The following SERPINE2 variants were observed in gnomAD, a reference collection of about 807,000 sequenced individuals.
The protein encoded by SERPINE2 is glia-derived nexin.
In SERPINE2, 14 loss-of-function variants were observed where a neutral mutation model predicts 36.3. That is an observed-to-expected ratio of 0.39 (90% CI 0.25 to 0.60). The LOEUF (loss-of-function observed/expected upper bound fraction) is 0.60. SERPINE2 is among the 20% of genes least tolerant of loss of function. The pLI, the probability that SERPINE2 is intolerant of heterozygous loss-of-function variation, is 0.57. For missense variants in SERPINE2, 418 were observed against 499.6 expected (o/e 0.84, Z 1.56); for synonymous variants, 192 against 191.8 (o/e 1.00, Z -0.01).
At chr2:223,997,703 C>T (rs1258863245) in intron 3 of SERPINE2, among the ~76,000 whole-genome samples, 2 of 152,112 alleles carry the variant, frequency 1.3e-5, no homozygotes, top group Admixed American at 1.3e-4. Context: ...ATGGCAGAAG[C>T]AAGAGGCATG....
chr2:223,983,751 TG>T (rs1690318592), intron 5 of SERPINE2, among the ~76,000 whole-genome samples: 29 of 130,992 alleles, frequency 2.2e-4, no homozygotes, highest in Non-Finnish European at 3.8e-4. Context: ...TGTGTGTGTG[TG>T]TGTGTGTGTG....
chr2:224,019,505 C>T (rs552673977), intron 1 of SERPINE2, among the ~76,000 whole-genome samples: 38 of 152,238 alleles, frequency 2.5e-4, no homozygotes, highest in African/African-American at 8.9e-4. Context: ...TGTCATCTTC[C>T]CTTGTCTTTG....
At chr2:223,994,976 A>G (rs1287161855) in intron 3 of SERPINE2, among the ~76,000 whole-genome samples, 1 of 152,200 alleles carries the variant, frequency 6.6e-6, no homozygotes, top group African/African-American at 2.4e-5. Context: ...CAAACTCAGA[A>G]TGTGTGCTTT....
chr2:223,984,876 G>C lies in SERPINE2; in HGVS notation c.760C>G (p.Leu254Val). ...GAGCTCTCAGTCGGCAGTGCAATCA[G>C]CATGCTGATGCTTTCCCCGTGGTAG... Reference protein sequence around the residue: ...LPYHGESISMLIALPTESSTP... With the variant: ...LPYHGESISMVIALPTESSTP... Residue 254 changes from leucine (L) to valine (V), a missense_variant, in exon 5 of 9, where the codon CTG (leucine) becomes GTG (valine). By Grantham distance (32) the Leu-to-Val change is conservative. Coordinates refer to ENST00000409304, the MANE Select transcript of SERPINE2 (RefSeq NM_001136528.2). 6.2e-7 allele frequency: 1 copy of C among 1,614,204 alleles called. No homozygotes were observed. The highest frequency in any genetic ancestry group is 8.5e-7 in the Non-Finnish European group (1 of 1,180,024).
At chr2:223,988,810 T>C (rs1249734361) in intron 4 of SERPINE2, among the ~76,000 whole-genome samples, 2 of 152,216 alleles carry the variant, frequency 1.3e-5, no homozygotes, top group South Asian at 2.1e-4. Context: ...TTCCATAGGA[T>C]AGCATGATAC....
At chr2:224,022,111 A>T (rs924322677) in intron 1 of SERPINE2, among the ~76,000 whole-genome samples, 2 of 145,232 alleles carry the variant, frequency 1.4e-5, no homozygotes, top group African/African-American at 5.0e-5. Context: ...GTGAGCTGAG[A>T]TCACACCACT....
chr2:224,009,927 C>A (rs1691566632), intron 1 of SERPINE2, among the ~76,000 whole-genome samples: 2 of 152,144 alleles, frequency 1.3e-5, no homozygotes, highest in African/African-American at 4.8e-5. Flanking sequence ...TGTTAATGTA[C>A]AAGTAATCGG....
At chr2:223,980,459 G>C (rs1478059621) in intron 6 of SERPINE2, 62 bp from the exon 7 acceptor site, 2 of 1,432,152 alleles carry the variant, frequency 1.4e-6, no homozygotes, top group Non-Finnish European at 2.0e-6. Flanking sequence ...TGGTTGGTTG[G>C]GGAAGTAACC....
Position 224,039,218 on chromosome 2 carries a change from G to A in SERPINE2, c.-142C>T, listed in dbSNP as rs533743014. The A allele has an allele frequency of 3.3e-5, 5 of 151,160 alleles. No homozygotes were observed. Among genetic ancestry groups the A allele is most frequent in the African/African-American group, 9.7e-5 (4 of 41,440 alleles). The allele number at this position is 151,160 out of a possible 1,614,324, so 9.4% of individuals were successfully genotyped here. A position where few individuals can be genotyped will look rare whatever the true frequency, so the allele number is the denominator to read the frequency against. ...CGCAGCCAAGCGGCGGCGGCGAGGA[G>A]GGTCACAGCCGGAAAGAGGCAGCGG... is the stretch of plus-strand genomic sequence containing the variant. On this transcript the variant is annotated 5_prime_UTR_variant, in exon 1 of 9. Transcript: ENST00000409304. The surrounding 1 kb of genome is among the most constrained non-coding windows in gnomAD (Gnocchi z 5.2).
chr2:224,028,127 T>C (rs1692245416), intron 1 of SERPINE2, among the ~76,000 whole-genome samples: 1 of 152,214 alleles, frequency 6.6e-6, no homozygotes, highest in Admixed American at 6.5e-5. Flanking sequence ...ATGGCAGTTC[T>C]GTCATCAAAC....
rs185037384 is a variant in SERPINE2, at chr2:224,031,525, G to A, written c.-23+7574C>T. Reference sequence around the variant, plus strand: ...GCCAATCATAGAACCTCCCTCCTCCGCCCACAGCCATTGGTACACGGAAGG... The same window carrying A: ...GCCAATCATAGAACCTCCCTCCTCCACCCACAGCCATTGGTACACGGAAGG... On this transcript the variant is annotated intron_variant, in intron 1 of 8. Coordinates refer to ENST00000409304, the MANE Select transcript of SERPINE2 (RefSeq NM_001136528.2). 45 of 985,188 alleles carry A rather than the reference G, an allele frequency of 4.6e-5. No individual in the cohort carries two copies. The East Asian group carries it at 1.5e-3, about 32-fold the overall frequency. 61.0% of individuals were successfully genotyped at this position (985,188 alleles called of 1,614,324 possible).
At chr2:223,984,151 C>G (rs1658029259) in intron 5 of SERPINE2, among the ~76,000 whole-genome samples, 2 of 151,954 alleles carry the variant, frequency 1.3e-5, no homozygotes, top group African/African-American at 4.8e-5. Flanking sequence ...AAGGGAACAA[C>G]ATTCATTGCT....
intron 7 of SERPINE2, 157 bp from the exon 8 acceptor site, chr2:223,977,784 T>A (rs1448925834): frequency 1.7e-6 from 1 of 598,608 alleles, no homozygotes; most frequent in Non-Finnish European, 3.0e-6. Flanking sequence ...ACAGGCTCAA[T>A]GGTCACCATT....
intron 4 of SERPINE2, among the ~76,000 whole-genome samples, chr2:223,990,429 T>G (rs1205171552): frequency 6.6e-6 from 1 of 152,254 alleles, no homozygotes; most frequent in Admixed American, 6.5e-5. Context: ...AAGAAATTCA[T>G]GTTATATTTC....
At chr2:224,036,382 A>G (rs1692535959) in intron 1 of SERPINE2, among the ~76,000 whole-genome samples, 1 of 151,348 alleles carries the variant, frequency 6.6e-6, no homozygotes, top group African/African-American at 2.4e-5. Flanking sequence ...GAACCTCATC[A>G]AATGCCACGG....
At chr2:224,015,144 A>G (rs1227944948) in intron 1 of SERPINE2, among the ~76,000 whole-genome samples, 2 of 152,234 alleles carry the variant, frequency 1.3e-5, no homozygotes, top group Non-Finnish European at 2.9e-5. Flanking sequence ...GCCGCCTGCA[A>G]CAAAGAATTA....
intron 5 of SERPINE2, among the ~76,000 whole-genome samples, chr2:223,984,008 G>A (rs1336487920): frequency 6.6e-6 from 1 of 151,132 alleles, no homozygotes; most frequent in African/African-American, 2.4e-5. Flanking sequence ...TACTTATTGT[G>A]AATGTCTTAC....
chr2:224,003,551 G>A (rs1399770443), intron 1 of SERPINE2, among the ~76,000 whole-genome samples: 1 of 152,204 alleles, frequency 6.6e-6, no homozygotes, highest in Non-Finnish European at 1.5e-5. Context: ...TGAGGATGGT[G>A]TTGCTTACAC....
intron 8 of SERPINE2, among the ~76,000 whole-genome samples, chr2:223,976,236 C>T (rs13017726): frequency 0.48 from 73,003 of 152,042 alleles, 20,253 homozygotes; most frequent in South Asian, 0.63. Flanking sequence ...CTGCAATTTC[C>T]GCCTCCTGGG....
Sources: allele counts gnomAD v4.1 joint callset (sites outside exome capture counted in the v4.1 genomes callset), GRCh38; gene constraint gnomAD v4.1.1; non-coding constraint Gnocchi (gnomAD v3.1); transcripts MANE v1.5; gene names NCBI Gene and HGNC (gene_info 2026-07-23, HGNC 2026-07-21).